The following ADCY8 variants were observed in gnomAD, a reference collection of about 807,000 sequenced individuals.
The protein encoded by ADCY8 is adenylate cyclase 8, also known as adenylate cyclase type 8.
In ADCY8, 51 loss-of-function variants were observed where a neutral mutation model predicts 119.7. The observed-to-expected ratio is 0.43, with a 90% confidence interval of 0.34 to 0.54. The LOEUF (loss-of-function observed/expected upper bound fraction) is 0.54, where lower values mean the gene tolerates loss of function less well. Among genes scored for constraint, ADCY8 ranks in the 20% least tolerant of loss-of-function variants. The probability of loss-of-function intolerance (pLI) is 0.03; values close to 1 mark genes in which losing one functional copy is unlikely to be tolerated. For synonymous variants in ADCY8, 665 were observed against 651.0 expected, an observed-to-expected ratio of 1.02 and a Z score of -0.33; for missense variants, 1,383 against 1,598.8, an observed-to-expected ratio of 0.87 and a Z score of 2.30.
At chr8:130,854,757 T>C (rs925019001) in intron 9 of ADCY8, among the ~76,000 whole-genome samples, 1 of 151,752 alleles carries the variant, frequency 6.6e-6, no homozygotes, top group African/African-American at 2.4e-5. Context: ...ATAGGTAGTA[T>C]AATGCACAGA....
intron 8 of ADCY8, among the ~76,000 whole-genome samples, chr8:130,870,613 G>A (rs1401486501): frequency 1.3e-5 from 2 of 152,116 alleles, no homozygotes; most frequent in Non-Finnish European, 2.9e-5. Context: ...GCTTTGCAAA[G>A]GCTTCCTTTC....
intron 8 of ADCY8, 29 bp from the exon 9 acceptor site, chr8:130,867,975 A>T (rs1412146049): frequency 1.6e-5 from 24 of 1,503,718 alleles, no homozygotes; most frequent in Non-Finnish European, 2.2e-5. Flanking sequence ...AGAATGAGTT[A>T]CTTTGCAGCA....
intron 11 of ADCY8, among the ~76,000 whole-genome samples, 139 bp downstream of exon 11, chr8:130,847,270 GGGAAAGAAGAAGAAA>G (rs1286842101): frequency 2.6e-5 from 4 of 151,870 alleles, no homozygotes; most frequent in South Asian, 2.1e-4. Flanking sequence ...AGGCAGAAAA[GGGAAAGAAGAAGAAA>G]GGAAAGAAGA....
At chr8:130,909,631 T>G in intron 6 of ADCY8, 77 bp downstream of exon 6, 3 of 1,548,672 alleles carry the variant, frequency 1.9e-6, no homozygotes, top group Non-Finnish European at 2.7e-6. Flanking sequence ...CCTGAATTTC[T>G]GTACACAGGA....
intron 11 of ADCY8, among the ~76,000 whole-genome samples, chr8:130,837,161 C>A (rs1317676073): frequency 6.6e-6 from 1 of 152,156 alleles, no homozygotes; most frequent in Non-Finnish European, 1.5e-5. Flanking sequence ...GTCCCCACCC[C>A]ACACCCATAT....
intron 1 of ADCY8, among the ~76,000 whole-genome samples, chr8:130,992,643 G>C (rs1212337199): frequency 1.3e-5 from 2 of 151,836 alleles, no homozygotes; most frequent in East Asian, 3.9e-4. Flanking sequence ...TTGACATCCT[G>C]ACCTCAGGTG....
At chr8:130,842,715 TAAA>T (rs1440381308) in intron 11 of ADCY8, among the ~76,000 whole-genome samples, 1 of 151,814 alleles carries the variant, frequency 6.6e-6, no homozygotes, top group Non-Finnish European at 1.5e-5. Context: ...ATAATAATAA[TAAA>T]AAACTTAGCT....
At chr8:131,030,343 A>T (rs989190643) in intron 1 of ADCY8, among the ~76,000 whole-genome samples, 1 of 152,204 alleles carries the variant, frequency 6.6e-6, no homozygotes, top group African/African-American at 2.4e-5. Flanking sequence ...GGCCCATCCC[A>T]GGGTCCTTTT....
At chr8:130,946,674 C>T (rs1036018430) in intron 3 of ADCY8, among the ~76,000 whole-genome samples, 4 of 152,226 alleles carry the variant, frequency 2.6e-5, no homozygotes, top group African/African-American at 7.2e-5. Context: ...GTCACCTCTG[C>T]ATCCCACCTG....
At chr8:131,039,110 T>G (rs1325731416) in intron 1 of ADCY8, among the ~76,000 whole-genome samples, 1 of 152,202 alleles carries the variant, frequency 6.6e-6, no homozygotes, top group Non-Finnish European at 1.5e-5. Context: ...GAAAGCAGAC[T>G]TTCTTAGCTG....
At chr8:131,020,581 A>G (rs942081956) in intron 1 of ADCY8, among the ~76,000 whole-genome samples, 3 of 152,226 alleles carry the variant, frequency 2.0e-5, no homozygotes, top group Non-Finnish European at 4.4e-5. Context: ...GAGATTTGGA[A>G]GATTTATTGG....
intron 9 of ADCY8, among the ~76,000 whole-genome samples, chr8:130,850,984 G>A (rs912220813): frequency 2.6e-5 from 4 of 152,134 alleles, no homozygotes; most frequent in African/African-American, 9.7e-5. Flanking sequence ...AAGGCTCAGA[G>A]GGAAGAAACT....
chr8:130,836,491 G>C (rs1202641459), intron 11 of ADCY8, 42 bp from the exon 12 acceptor site: 2 of 1,591,756 alleles, frequency 1.3e-6, no homozygotes, highest in South Asian at 2.3e-5. Flanking sequence ...AATGGGGGCA[G>C]CAGTTCCCTC....
At chr8:130,855,010 G>A (rs1817675496) in intron 9 of ADCY8, among the ~76,000 whole-genome samples, 1 of 147,550 alleles carries the variant, frequency 6.8e-6, no homozygotes, top group East Asian at 2.0e-4. Flanking sequence ...GTCCCAAGAA[G>A]TATTTTCTAG....
chr8:130,987,546 C>A (rs1050768533), intron 2 of ADCY8, among the ~76,000 whole-genome samples: 1 of 152,128 alleles, frequency 6.6e-6, no homozygotes, highest in Non-Finnish European at 1.5e-5. Flanking sequence ...AAAACCCAGT[C>A]ATTTCTGTTG....
intron 9 of ADCY8, among the ~76,000 whole-genome samples, chr8:130,850,190 C>T (rs1817474943): frequency 6.6e-6 from 1 of 152,148 alleles, no homozygotes; most frequent in South Asian, 2.1e-4. Flanking sequence ...ATTTCCCCCT[C>T]CACCTATCCT....
rs535270185 is a variant in ADCY8 at position 130,835,202 on chromosome 8, C to A, written c.2675+1075G>T. On this transcript the variant is annotated intron_variant, in intron 12 of 17. Transcript: ENST00000286355. ...CAGCCTGGACTGGCTCCTTCCATCA[C>A]TTCTTGTGTGGGGTCTGTTTACCCC... Among the ~76,000 whole-genome samples the A allele has an allele frequency of 1.2e-4, 18 of 152,312 alleles. 1 individual carries two copies. In the South Asian group the frequency reaches 3.7e-3, roughly 32 times the overall value.
At chr8:130,999,348 C>A (rs1822873306) in intron 1 of ADCY8, among the ~76,000 whole-genome samples, 1 of 152,144 alleles carries the variant, frequency 6.6e-6, no homozygotes, top group Non-Finnish European at 1.5e-5. Flanking sequence ...GTTCCCCCAA[C>A]CCCAGGAGTG....
rs535458598 is a variant in ADCY8 at position 130,839,468 on chromosome 8, C to T, written c.2503-3019G>A. The stretch of plus-strand genomic sequence containing the variant: ...CTGGACAACATCAGAGGAATCTCCT[C>T]TGTGCTTTTTATACCTTGAGTGAAT... On this transcript the variant is annotated intron_variant, in intron 11 of 17. Coordinates refer to ENST00000286355, the MANE Select transcript of ADCY8 (RefSeq NM_001115.3). Among the ~76,000 whole-genome samples the T allele has an allele frequency of 2.4e-4, 34 of 139,890 alleles. 1 individual carries two copies. The highest frequency in any genetic ancestry group is 8.3e-4 in the African/African-American group (34 of 40,970). 91.8% of individuals were successfully genotyped at this position (139,890 alleles called of 152,430 possible). A position where few individuals can be genotyped will look rare whatever the true frequency, so the allele number is the denominator to read the frequency against.
Sources: gnomAD v4.1 joint callset for allele counts (sites outside exome capture counted in the v4.1 genomes callset) on GRCh38, gnomAD v4.1.1 for gene constraint, MANE v1.5 for transcripts, NCBI Gene and HGNC (gene_info 2026-07-23, HGNC 2026-07-21) for gene names.